The following MPDZ variants were observed in gnomAD, a reference collection of about 807,000 sequenced individuals.
MPDZ encodes the protein multiple PDZ domain crumbs cell polarity complex component.
A neutral mutation model predicts 239.1 loss-of-function variants in MPDZ; 234 were observed. That is an observed-to-expected ratio of 0.98 (90% CI 0.88 to 1.09). The LOEUF (loss-of-function observed/expected upper bound fraction) is 1.09. Among genes scored for constraint, MPDZ ranks in the 50% least tolerant of loss-of-function variants. The pLI is 0.00. For synonymous variants in MPDZ, 1,048 were observed against 881.3 expected (o/e 1.19, Z -3.35); for missense variants, 3,175 against 2,510.0 (o/e 1.26, Z -5.66).
intron 12 of MPDZ, among the ~76,000 whole-genome samples, chr9:13,198,200 T>C (rs1006176660): frequency 6.6e-6 from 1 of 152,176 alleles, no homozygotes; most frequent in African/African-American, 2.4e-5. Flanking sequence ...TGTACTAATT[T>C]ACATTACCAT....
chr9:13,276,422 C>G (rs1160807431), intron 1 of MPDZ, among the ~76,000 whole-genome samples: 1 of 152,154 alleles, frequency 6.6e-6, no homozygotes, highest in African/African-American at 2.4e-5. Flanking sequence ...ATGCATGACA[C>G]TAATTTACAA....
At chr9:13,236,770 C>G (rs1228153345) in intron 3 of MPDZ, among the ~76,000 whole-genome samples, 1 of 151,688 alleles carries the variant, frequency 6.6e-6, no homozygotes, top group Non-Finnish European at 1.5e-5. Flanking sequence ...GTTTTAAAGT[C>G]TTTTCATTAT....
At chr9:13,263,912 G>C (rs1588197821) in intron 1 of MPDZ, among the ~76,000 whole-genome samples, 1 of 152,218 alleles carries the variant, frequency 6.6e-6, no homozygotes, top group East Asian at 1.9e-4. Context: ...ATATATATAA[G>C]CTAATACTAA....
chr9:13,196,071 G>A (rs772217004), intron 13 of MPDZ, 50 bp downstream of exon 13: 18 of 1,260,830 alleles, frequency 1.4e-5, no homozygotes, highest in Non-Finnish European at 1.9e-5. Context: ...CGAACTGCCT[G>A]CTCAAATACA....
intron 3 of MPDZ, among the ~76,000 whole-genome samples, chr9:13,237,660 CA>C (rs1964415326): frequency 1.3e-5 from 2 of 151,130 alleles, no homozygotes; most frequent in Non-Finnish European, 2.9e-5. Flanking sequence ...CAAAAATAAA[CA>C]AAGTAAGCCT....
rs1265690778 is a variant in MPDZ at position 13,150,636 on chromosome 9, C to A, written c.3505G>T (p.Gly1169Ter). 1.3e-6 allele frequency: 2 copies of A among 1,523,238 alleles called. No homozygotes were observed. Among genetic ancestry groups the A allele is most frequent in the African/African-American group, 1.4e-5 (1 of 71,370 alleles). The allele number at this position is 1,523,238 out of a possible 1,614,324, so 94.4% of individuals were successfully genotyped here. A position where few individuals can be genotyped will look rare whatever the true frequency, so the allele number is the denominator to read the frequency against. ...SKSLGISIVG[G>*]RGMGSRLSNG... ...CTTAGCCGACTCCCCATCCCTCGTC[C>A]ACCAACAATGCTGATGCCTAAGGAT... Residue 1169 changes from glycine to a stop codon, truncating the protein, a stop_gained, in exon 25 of 47, where the codon GGA (glycine) becomes TGA (stop). Coordinates refer to ENST00000319217, the MANE Select transcript of MPDZ (RefSeq NM_001378778.1). LOFTEE classifies it high-confidence loss of function.
At chr9:13,199,293 T>G (rs1564012750) in intron 12 of MPDZ, among the ~76,000 whole-genome samples, 1 of 152,102 alleles carries the variant, frequency 6.6e-6, no homozygotes, top group Non-Finnish European at 1.5e-5. Context: ...GATCACTTTC[T>G]TGATTTCTTT....
In MPDZ at chr9:13,224,565, C is replaced by T. The variant is rs764604478; in HGVS notation, c.202G>A (p.Ala68Thr). The T allele has an allele frequency of 3.1e-6, 5 of 1,609,928 alleles. No homozygotes were observed. The highest frequency in any genetic ancestry group is 1.1e-5 in the South Asian group (1 of 90,568). ...LKDQVNIATSATSNIEYAHVP... is the reference protein window; with the variant it reads ...LKDQVNIATSTTSNIEYAHVP... ...TGGGCATATTCAATATTTGAAGTTG[C>T]TGAAGTTGCAATATTTACCTAAGAG... Residue 68 changes from alanine (A) to threonine (T), a missense_variant, in exon 4 of 47, where the codon GCA (alanine) becomes ACA (threonine). Transcript: ENST00000319217.
Position 13,106,680 on chromosome 9 carries a change from C to T in MPDZ, c.*285G>A, listed in dbSNP as rs1941511173. The T allele has an allele frequency of 3.3e-6, 1 of 299,284 alleles. No homozygotes were observed. Among genetic ancestry groups the T allele is most frequent in the African/African-American group, 2.1e-5 (1 of 47,470 alleles). The allele number at this position is 299,284 out of a possible 1,614,324, so 18.5% of individuals were successfully genotyped here. On this transcript the variant is annotated 3_prime_UTR_variant, in exon 47 of 47. Transcript: ENST00000319217. ...AGCTTAGCATGTAATAATTCTTGCC[C>T]ATGTGACTACAAAACATTAGATATC... is the stretch of plus-strand genomic sequence containing the variant.
chr9:13,117,062 A>C (rs1462377301), intron 39 of MPDZ, among the ~76,000 whole-genome samples: 1 of 152,156 alleles, frequency 6.6e-6, no homozygotes, highest in Non-Finnish European at 1.5e-5. Flanking sequence ...TTAATTTATA[A>C]ACATAAAATA....
chr9:13,125,433 G>C (rs1236798696), intron 34 of MPDZ, 43 bp from the exon 35 acceptor site: 2 of 1,553,048 alleles, frequency 1.3e-6, no homozygotes, highest in Non-Finnish European at 1.8e-6. Context: ...ATTCAAAGCT[G>C]AATTAGTAGA....
intron 1 of MPDZ, among the ~76,000 whole-genome samples, chr9:13,262,413 G>A (rs1378569622): frequency 6.6e-6 from 1 of 152,078 alleles, no homozygotes; most frequent in Non-Finnish European, 1.5e-5. Flanking sequence ...TCGCACCACT[G>A]CACTTCAGTC....
chr9:13,214,687 A>G (rs1163033280), intron 10 of MPDZ, among the ~76,000 whole-genome samples: 1 of 152,096 alleles, frequency 6.6e-6, no homozygotes, highest in Admixed American at 6.6e-5. Flanking sequence ...TCAGCATCAG[A>G]TATGGATTTA....
At chr9:13,228,092 T>C (rs1022223949) in intron 3 of MPDZ, among the ~76,000 whole-genome samples, 10 of 152,118 alleles carry the variant, frequency 6.6e-5, no homozygotes, top group Non-Finnish European at 1.5e-4. Flanking sequence ...CCTTGGTTTA[T>C]AGAATATAAA....
intron 15 of MPDZ, among the ~76,000 whole-genome samples, 179 bp from the exon 16 acceptor site, chr9:13,190,478 A>C (rs1227945579): frequency 6.6e-6 from 1 of 152,198 alleles, no homozygotes. Flanking sequence ...AAAGTTGTTA[A>C]GAAGGAAGAA....
chr9:13,115,800 C>T (rs1192589607), intron 39 of MPDZ, among the ~76,000 whole-genome samples: 1 of 151,842 alleles, frequency 6.6e-6, no homozygotes, highest in East Asian at 1.9e-4. Context: ...AAAAAAATAG[C>T]TGGGCGTGGT....
chr9:13,119,678 T>C, intron 38 of MPDZ, 29 bp from the exon 39 acceptor site: 1 of 1,613,744 alleles, frequency 6.2e-7, no homozygotes, highest in Non-Finnish European at 8.5e-7. Flanking sequence ...TTCAACATTA[T>C]CTTTTGCTCA....
chr9:13,141,415 A>G (rs1258962956), intron 27 of MPDZ, among the ~76,000 whole-genome samples: 2 of 152,196 alleles, frequency 1.3e-5, no homozygotes, highest in Admixed American at 6.5e-5. Context: ...ACTTGCATAA[A>G]TAAGACAGTA....
In MPDZ at chr9:13,137,962, G is replaced by C. The variant is rs766667066; in HGVS notation, c.4195C>G (p.Leu1399Val). The C allele has an allele frequency of 2.5e-6, 4 of 1,613,614 alleles. No individual in the cohort carries two copies. Among genetic ancestry groups the C allele is most frequent in the Non-Finnish European group, 8.5e-7 (1 of 1,179,714 alleles). ...DGRLQIADEL[L>V]EINGQILYGR... ...AATTTTCCACAAAAACTTACCTCTA[G>C]AAGCTCATCTGCAATTTGCAATCGA... is the stretch of plus-strand genomic sequence containing the variant. The change falls in exon 29 of 47, where the codon CTA becomes GTA. Residue 1399 changes from leucine to valine, a missense_variant. By Grantham distance (32) the Leu-to-Val change is conservative (BLOSUM62 1). Transcript: ENST00000319217.
Sources: allele counts gnomAD v4.1 joint callset (sites outside exome capture counted in the v4.1 genomes callset), GRCh38; gene constraint gnomAD v4.1.1; transcripts MANE v1.5; gene names NCBI Gene and HGNC (gene_info 2026-07-23, HGNC 2026-07-21).